The following KCTD3 variants were observed in gnomAD, a reference collection of about 807,000 sequenced individuals.
The protein encoded by KCTD3 is potassium channel tetramerization domain containing 3.
In KCTD3, 41 loss-of-function variants were observed where a neutral mutation model predicts 85.8. The observed-to-expected ratio is 0.48, with a 90% CI of 0.37 to 0.62. The LOEUF is 0.62. Among genes scored for constraint, KCTD3 ranks in the 20% least tolerant of loss-of-function variants. The probability of loss-of-function intolerance (pLI) is 0.00; values close to 1 mark genes in which losing one functional copy is unlikely to be tolerated. For missense variants in KCTD3, 724 were observed against 989.9 expected, an observed-to-expected ratio of 0.73 and a Z score of 3.60; for synonymous variants, 338 against 345.4, an observed-to-expected ratio of 0.98 and a Z score of 0.24.
At chr1:215,584,951 C>T (rs962947703) in intron 8 of KCTD3, among the ~76,000 whole-genome samples, 4 of 152,122 alleles carry the variant, frequency 2.6e-5, no homozygotes, top group South Asian at 2.1e-4. Context: ...TGCAAAATCT[C>T]GAAAGAAAAG....
At chr1:215,600,504 A>G (rs34352533) in intron 10 of KCTD3, among the ~76,000 whole-genome samples, 11,185 of 151,912 alleles carry the variant, frequency 0.074, 593 homozygotes, top group Non-Finnish European at 0.1. Flanking sequence ...CTCTCCTGTG[A>G]TTGTATTGTA....
chr1:215,610,579 A>C (rs59635576), intron 14 of KCTD3, among the ~76,000 whole-genome samples: 5,071 of 152,048 alleles, frequency 0.033, 204 homozygotes, highest in African/African-American at 0.094. Context: ...TTCATTGTCA[A>C]TATTTTGACT....
At position 215,608,004 on chromosome 1, in the gene KCTD3, C is replaced by CT; in HGVS notation, c.1310-10dup. Reference sequence around the variant, plus strand: ...GTAATTTTGTATTCTTTTGTGTTCTCTTTCTCTGCTAGTCTGTGCAGATAA... The same window carrying CT: ...GTAATTTTGTATTCTTTTGTGTTCTCTTTTCTCTGCTAGTCTGTGCAGATAA... On this transcript the variant is annotated splice_polypyrimidine_tract_variant and intron_variant, in intron 13 of 17. Transcript: ENST00000259154. The CT allele has an allele frequency of 6.3e-7, 1 of 1,578,018 alleles. No individual in the cohort carries two copies. The highest frequency in any genetic ancestry group is 8.6e-7 in the Non-Finnish European group (1 of 1,168,452).
At chr1:215,578,115 C>T in intron 6 of KCTD3, 34 bp downstream of exon 6, 1 of 1,577,494 alleles carries the variant, frequency 6.3e-7, no homozygotes, top group Non-Finnish European at 8.7e-7. Flanking sequence ...TTAAAAAATT[C>T]CTTGTATCAT....
At chr1:215,569,818 A>G (rs551163082) in intron 1 of KCTD3, among the ~76,000 whole-genome samples, 3 of 152,284 alleles carry the variant, frequency 2.0e-5, no homozygotes, top group Admixed American at 6.5e-5. Flanking sequence ...ACAAAATAGT[A>G]CATATATTAC....
At chr1:215,618,062 A>C (rs1481057391) in intron 15 of KCTD3, 3 of 456,704 alleles carry the variant, frequency 6.6e-6, no homozygotes, top group Non-Finnish European at 1.4e-5. Context: ...AAAACTAATA[A>C]AATGTATATG....
rs1216795920 is a variant in KCTD3 at position 215,579,164 on chromosome 1, A to C, written c.535+27A>C. The C allele has an allele frequency of 1.9e-6, 3 of 1,595,312 alleles. No homozygotes were observed. The South Asian group carries it at 3.4e-5, about 18-fold the overall frequency. On this transcript the variant is annotated intron_variant, in intron 7 of 17. Coordinates refer to ENST00000259154, the MANE Select transcript of KCTD3 (RefSeq NM_016121.5). Reference sequence around the variant, plus strand: ...TAAGCAAAGATTACAGAAATAGAAAAAGAAAAATACGTATGTTTTTAGTGC... The same window carrying C: ...TAAGCAAAGATTACAGAAATAGAAACAGAAAAATACGTATGTTTTTAGTGC...
chr1:215,567,581 G>A lies in KCTD3; in HGVS notation c.-105G>A, dbSNP rs944192020. On this transcript the variant is annotated 5_prime_UTR_variant, in exon 1 of 18. Coordinates refer to ENST00000259154, the MANE Select transcript of KCTD3 (RefSeq NM_016121.5). ...CACCCCCCGCCCTCCGGCCGCCGCC[G>A]CCCCGCTGGCCCTGCAGCCGTCGCC... 8 of 488,104 alleles carry A rather than the reference G, an allele frequency of 1.6e-5. No individual in the cohort carries two copies. In the Admixed American group the frequency reaches 2.7e-4, roughly 16 times the overall value. The allele number at this position is 488,104 out of a possible 1,614,324, so 30.2% of individuals were successfully genotyped here.
intron 15 of KCTD3, among the ~76,000 whole-genome samples, chr1:215,617,223 C>T (rs748222158): frequency 2.6e-5 from 4 of 152,142 alleles, no homozygotes; most frequent in African/African-American, 4.8e-5. Flanking sequence ...CTCGTAAATG[C>T]GAGCTTTCCT....
Position 215,573,914 on chromosome 1 carries a change from T to A in KCTD3, c.137+75T>A, listed in dbSNP as rs982079356. On this transcript the variant is annotated intron_variant, in intron 2 of 17. Coordinates refer to ENST00000259154, the MANE Select transcript of KCTD3 (RefSeq NM_016121.5). ...AATATAATAATGTTTGTCAGTTAAA[T>A]TTTTTTTAATAAAAAAGGTTAACTC... is the stretch of plus-strand genomic sequence containing the variant. 4.7e-6 allele frequency: 5 copies of A among 1,066,820 alleles called. No individual in the cohort carries two copies. The Admixed American group carries it at 9.5e-5, about 20-fold the overall frequency. 66.1% of individuals were successfully genotyped at this position (1,066,820 alleles called of 1,614,324 possible). A position where few individuals can be genotyped will look rare whatever the true frequency, so the allele number is the denominator to read the frequency against.
At chr1:215,580,106 T>G in intron 8 of KCTD3, 107 bp downstream of exon 8, 1 of 695,312 alleles carries the variant, frequency 1.4e-6, no homozygotes, top group East Asian at 2.8e-5. Context: ...TCATCAAGTT[T>G]TTTCCCTGCA....
rs770382387 is a variant in KCTD3, at chr1:215,620,455, G to T, written c.2285G>T (p.Gly762Val). The T allele has an allele frequency of 1.2e-6, 2 of 1,613,630 alleles. No homozygotes were observed. Among genetic ancestry groups the T allele is most frequent in the African/African-American group, 2.7e-5 (2 of 74,896 alleles). The change falls in exon 18 of 18, where the codon GGA becomes GTA. Residue 762 changes from glycine to valine, a missense_variant. Physicochemically the swap from Gly to Val is moderately radical, Grantham distance 109. Around this residue, in one of 6 missense-constraint regions of KCTD3, gnomAD observed 222 missense variants for 217.7 expected, o/e 1.02. Transcript: ENST00000259154. Reference protein sequence around the residue: ...EFRKKGGFEGGGFLGRKKVPY... With the variant: ...EFRKKGGFEGVGFLGRKKVPY... Reference sequence around the variant, plus strand: ...AGGAAGAAAGGAGGATTTGAAGGGGGAGGATTCCTTGGAAGAAAGAAAGTT... The same window carrying T: ...AGGAAGAAAGGAGGATTTGAAGGGGTAGGATTCCTTGGAAGAAAGAAAGTT...
At chr1:215,618,527 C>G (rs1161697190) in intron 15 of KCTD3, 1 of 179,064 alleles carries the variant, frequency 5.6e-6, no homozygotes, top group East Asian at 1.7e-4. Context: ...CCTTACGTGA[C>G]TTTGGAACAA....
At chr1:215,571,719 C>T (rs887048526) in intron 1 of KCTD3, among the ~76,000 whole-genome samples, 18 of 151,962 alleles carry the variant, frequency 1.2e-4, no homozygotes, top group Non-Finnish European at 2.1e-4. Context: ...CCAGCTCCAC[C>T]TCCTGAGTTC....
rs1655249396 is a variant in KCTD3, at chr1:215,611,928, C to T, written c.1562+7C>T. On this transcript the variant is annotated splice_region_variant and intron_variant, in intron 15 of 17. Transcript: ENST00000259154. Reference sequence around the variant, plus strand: ...TCTCATCGACTGGAAAAAGGTAACACTTTATTGTAAAAATATTTGTATTCA... The same window carrying T: ...TCTCATCGACTGGAAAAAGGTAACATTTTATTGTAAAAATATTTGTATTCA... The T allele has an allele frequency of 2.6e-6, 4 of 1,560,094 alleles. No individual in the cohort carries two copies. In the East Asian group the frequency reaches 6.7e-5, roughly 26 times the overall value.
In KCTD3 at chr1:215,587,988, C is replaced by T. The variant is rs868629891; in HGVS notation, c.817+1303C>T. Among the ~76,000 whole-genome samples, 3 of 152,298 alleles carry T rather than the reference C, an allele frequency of 2.0e-5. No individual in the cohort carries two copies. The South Asian group carries it at 6.2e-4, about 32-fold the overall frequency. On this transcript the variant is annotated intron_variant, in intron 9 of 17. Coordinates refer to ENST00000259154, the MANE Select transcript of KCTD3 (RefSeq NM_016121.5). ...CATTCATTGGTATCCCTGCTGACTA[C>T]GTGTGAGGGAGTTGTCACACTCACT... is the stretch of plus-strand genomic sequence containing the variant.
intron 1 of KCTD3, among the ~76,000 whole-genome samples, chr1:215,570,726 A>G (rs942176816): frequency 1.3e-5 from 2 of 152,224 alleles, no homozygotes; most frequent in Admixed American, 6.5e-5. Context: ...AACTAGTTAG[A>G]TTGCTACCAA....
chr1:215,609,291 T>G (rs1655147067), intron 14 of KCTD3, among the ~76,000 whole-genome samples: 1 of 151,924 alleles, frequency 6.6e-6, no homozygotes. Context: ...GGTTGGAACA[T>G]TCCTGGCAGA....
At chr1:215,605,798 C>T (rs150846499) in intron 13 of KCTD3, among the ~76,000 whole-genome samples, 78 of 152,216 alleles carry the variant, frequency 5.1e-4, no homozygotes, top group African/African-American at 1.9e-3. Context: ...ATCAGTAAGT[C>T]CTGTTGGTTT....
Sources: gnomAD v4.1 joint callset for allele counts (sites outside exome capture counted in the v4.1 genomes callset) on GRCh38, gnomAD v4.1.1 for gene constraint, gnomAD v4.1.1 regional missense constraint, MANE v1.5 for transcripts, NCBI Gene and HGNC (gene_info 2026-07-23, HGNC 2026-07-21) for gene names.